Variants in ZSCAN9 observed in about 807,000 individuals in gnomAD.
The protein encoded by ZSCAN9 is zinc finger and SCAN domain containing 9, also known as zinc finger and SCAN domain-containing protein 9.
Under a neutral mutation model 23.0 loss-of-function variants are expected in ZSCAN9, and 19 were observed. That is an observed-to-expected ratio of 0.83 (90% CI 0.58 to 1.21). The LOEUF (loss-of-function observed/expected upper bound fraction) is 1.21. Among genes scored for constraint, ZSCAN9 ranks in the 50% most tolerant of loss-of-function variants. The pLI is 0.00. For synonymous variants in ZSCAN9, 155 were observed against 164.8 expected (o/e 0.94, Z 0.46); for missense variants, 467 against 471.5 (o/e 0.99, Z 0.09).
chr6:28,232,393 T>G (rs754998160), intron 3 of ZSCAN9, among the ~76,000 whole-genome samples, 169 bp from the exon 4 acceptor site: 40 of 152,200 alleles, frequency 2.6e-4, no homozygotes, highest in Non-Finnish European at 3.7e-4. Context: ...TGACCTGCAT[T>G]ATGCCAAAGA....
chr6:28,232,994 G>A lies in ZSCAN9; in HGVS notation c.1001G>A (p.Gly334Glu), dbSNP rs753453451. The change falls in exon 4 of 4, where the codon GGA (glycine) becomes GAA (glutamate). Residue 334 changes from glycine (G) to glutamate (E), a missense_variant. Coordinates refer to ENST00000252207, the MANE Select transcript of ZSCAN9 (RefSeq NM_006299.5). ...ATCCAGCATCAGAGAATCCACAAAG[G>A]AGAAAAGCCGTATCAGTGCAGCCAG... ...GLIQHQRIHK[G>E]EKPYQCSQCS... 6.2e-7 allele frequency: 1 copy of A among 1,614,170 alleles called. No homozygotes were observed. The highest frequency in any genetic ancestry group is 1.1e-5 in the South Asian group (1 of 91,082).
Position 28,227,765 on chromosome 6 carries a change from C to G in ZSCAN9, c.496C>G (p.Leu166Val). Residue 166 changes from leucine to valine, a missense_variant, in exon 3 of 4, where the codon CTT becomes GTT. Physicochemically the swap from Leu to Val is conservative, Grantham distance 32. Transcript: ENST00000252207. ...VPLAEQTPLTLQSQPKEPQLT... is the reference protein window; with the variant it reads ...VPLAEQTPLTVQSQPKEPQLT... ...TCTAGCAGAGCAGACACCACTGACC[C>G]TTCAGTCCCAGCCTAAGGAGCCACA... 3 of 1,613,584 alleles carry G rather than the reference C, an allele frequency of 1.9e-6. No homozygotes were observed. Among genetic ancestry groups the G allele is most frequent in the Non-Finnish European group, 1.7e-6 (2 of 1,179,866 alleles).
Position 28,227,295 on chromosome 6 carries a change from A to C in ZSCAN9, c.211A>C (p.Thr71Pro). 1.9e-6 allele frequency: 3 copies of C among 1,614,228 alleles called. No individual in the cohort carries two copies. Among genetic ancestry groups the C allele is most frequent in the Non-Finnish European group, 2.5e-6 (3 of 1,180,042 alleles). ...GACCCCTGGACCAAGGGAGGCTCTT[A>C]CTCGACTCCAGGAACTTTGCTACCA... is the stretch of plus-strand genomic sequence containing the variant. ...QETPGPREAL[T>P]RLQELCYQWL... The change falls in exon 2 of 4, where the codon ACT (threonine) becomes CCT (proline). Residue 71 changes from threonine (T) to proline (P), a missense_variant. Physicochemically the swap from Thr to Pro is conservative, Grantham distance 38. Transcript: ENST00000252207.
intron 3 of ZSCAN9, among the ~76,000 whole-genome samples, chr6:28,231,257 G>A (rs567279258): frequency 6.6e-6 from 1 of 152,180 alleles, no homozygotes; most frequent in East Asian, 1.9e-4. Flanking sequence ...GTAAAATAAG[G>A]GGTATGTAAA....
intron 3 of ZSCAN9, chr6:28,230,353 A>G: frequency 1.3e-6 from 2 of 1,532,418 alleles, no homozygotes; most frequent in East Asian, 4.9e-5. Context: ...ACGAAGTTTG[A>G]GGAGAAGGGC....
chr6:28,226,095 T>C (rs190354188), intron 1 of ZSCAN9, among the ~76,000 whole-genome samples: 417 of 152,112 alleles, frequency 2.7e-3, no homozygotes, highest in Non-Finnish European at 3.7e-3. Flanking sequence ...CCTTGGGCAA[T>C]CTACTTAACT....
intron 3 of ZSCAN9, among the ~76,000 whole-genome samples, chr6:28,232,152 C>T (rs1459662890): frequency 2.6e-5 from 4 of 152,024 alleles, no homozygotes; most frequent in Admixed American, 6.6e-5. Flanking sequence ...GCCAACATGG[C>T]GAAACCGCGT....
intron 3 of ZSCAN9, chr6:28,230,231 T>C (rs1760259531): frequency 9.7e-7 from 1 of 1,029,748 alleles, no homozygotes; most frequent in South Asian, 1.9e-5. Context: ...TGATAATATA[T>C]CTGAAAGTGC....
chr6:28,228,449 A>G (rs1281838223), intron 3 of ZSCAN9: 1 of 198,840 alleles, frequency 5.0e-6, no homozygotes, highest in East Asian at 1.7e-4. Flanking sequence ...ACAGAGAGAG[A>G]GCAAGCTCTC....
intron 1 of ZSCAN9, among the ~76,000 whole-genome samples, chr6:28,225,712 T>C (rs1581559359): frequency 1.3e-5 from 2 of 152,372 alleles, no homozygotes; most frequent in South Asian, 4.1e-4. Context: ...CTCTTACCTC[T>C]AGATTCTGAA....
Position 28,232,882 on chromosome 6 carries a change from CT to C in ZSCAN9, c.894del (p.Phe298LeufsTer102), listed in dbSNP as rs1760359961. 1.9e-6 allele frequency: 3 copies of C among 1,614,010 alleles called. No homozygotes were observed. The highest frequency in any genetic ancestry group is 2.7e-5 in the African/African-American group (2 of 74,900). ...GAAAGCCTTCAGTCGAAGTTCTGGT[CT>C]TTTTAATCACCGAGGAATCCACAAT... ...CGKAFSRSSG[L>X]FNHRGIHNIQ... is the part of the protein sequence containing the mutation. On this transcript the variant is annotated frameshift_variant, in exon 4 of 4. Transcript: ENST00000252207. LOFTEE classifies it low-confidence loss of function (END_TRUNC).
At chr6:28,230,506 T>C (rs1217481830) in intron 3 of ZSCAN9, 2 of 1,534,540 alleles carry the variant, frequency 1.3e-6, no homozygotes. Flanking sequence ...TTCTTGTATG[T>C]GAGAGACAGG....
At chr6:28,227,661 A>G (rs367653541) in intron 2 of ZSCAN9, 29 bp from the exon 3 acceptor site, 131 of 1,582,014 alleles carry the variant, frequency 8.3e-5, no homozygotes, top group Non-Finnish European at 1.1e-4. Context: ...AATTTCTTCA[A>G]AAGTCAAATC....
At chr6:28,232,455 T>C (rs557454405) in intron 3 of ZSCAN9, 107 bp from the exon 4 acceptor site, 1 of 1,499,226 alleles carries the variant, frequency 6.7e-7, no homozygotes, top group Non-Finnish European at 8.9e-7. Context: ...CTAGCCCTTC[T>C]GTTTCTAGCC....
At chr6:28,226,805 A>G (rs1290618042) in intron 1 of ZSCAN9, 2 of 221,822 alleles carry the variant, frequency 9.0e-6, no homozygotes, top group Non-Finnish European at 1.8e-5. Context: ...AAAAAAAAAG[A>G]AAGAAAGAAA....
rs1760154877 is a variant in ZSCAN9 at position 28,227,504 on chromosome 6, G to A, written c.420G>A (p.Glu140=). Residue 140 remains glutamate (E), a splice_region_variant and synonymous_variant, in exon 2 of 4, where the codon GAG becomes GAA. Coordinates refer to ENST00000252207, the MANE Select transcript of ZSCAN9 (RefSeq NM_006299.5). ...GAGAGCTCGATGAACCACAACATGAGGTAGGAAGGGAGATTTGCTAGAGAA... is the reference window on the plus strand; with the variant it reads ...GAGAGCTCGATGAACCACAACATGAAGTAGGAAGGGAGATTTGCTAGAGAA... ...LERELDEPQH[E]MVAHRHRQEV... The A allele has an allele frequency of 7.6e-6, 12 of 1,583,222 alleles. No individual in the cohort carries two copies. Among genetic ancestry groups the A allele is most frequent in the Non-Finnish European group, 9.4e-6 (11 of 1,167,430 alleles).
intron 1 of ZSCAN9, among the ~76,000 whole-genome samples, chr6:28,226,610 C>CG (rs1161025761): frequency 2.0e-5 from 3 of 152,122 alleles, no homozygotes; most frequent in Non-Finnish European, 4.4e-5. Context: ...CAAGGTCACA[C>CG]AACTAGTAAA....
At chr6:28,225,591 C>T (rs1406089015) in intron 1 of ZSCAN9, among the ~76,000 whole-genome samples, 2 of 152,114 alleles carry the variant, frequency 1.3e-5, no homozygotes, top group East Asian at 3.9e-4. Flanking sequence ...TGAAGGGTCA[C>T]CTCGGTGAAT....
chr6:28,230,023 A>G (rs891064188), intron 3 of ZSCAN9, among the ~76,000 whole-genome samples: 1 of 151,938 alleles, frequency 6.6e-6, no homozygotes, highest in African/African-American at 2.4e-5. Context: ...ATGCCCGGCT[A>G]ATGTTTTGTA....
Sources: allele counts gnomAD v4.1 joint callset (sites outside exome capture counted in the v4.1 genomes callset), GRCh38; gene constraint gnomAD v4.1.1; transcripts MANE v1.5; gene names NCBI Gene and HGNC (gene_info 2026-07-23, HGNC 2026-07-21).